Variants in CDH18 observed in about 807,000 individuals in gnomAD.
The protein encoded by CDH18 is cadherin 18.
Under a neutral mutation model 67.9 loss-of-function variants are expected in CDH18, and 31 were observed. The ratio of observed to expected loss-of-function variants is 0.46; its 90% CI spans 0.34 to 0.62. CDH18 has a LOEUF of 0.62. Among genes scored for constraint, CDH18 ranks in the 20% least tolerant of loss-of-function variants. The pLI is 0.01. For missense variants in CDH18, 890 were observed against 975.5 expected (o/e 0.91, Z 1.17); for synonymous variants, 362 against 347.2 (o/e 1.04, Z -0.48).
At chr5:20,459,570 G>A (rs2150220754) in intron 1 of CDH18, among the ~76,000 whole-genome samples, 1 of 152,222 alleles carries the variant, frequency 6.6e-6, no homozygotes, top group African/African-American at 2.4e-5. Context: ...ATTTCACAAG[G>A]GGAAGGTCCA....
intron 2 of CDH18, among the ~76,000 whole-genome samples, chr5:19,905,457 A>G (rs968789910): frequency 7.5e-6 from 1 of 134,212 alleles, no homozygotes; most frequent in Non-Finnish European, 1.6e-5. Flanking sequence ...TGTATGATCA[A>G]TGATTTATAA....
chr5:20,027,587 C>T (rs1424463528), intron 2 of CDH18, among the ~76,000 whole-genome samples: 1 of 152,104 alleles, frequency 6.6e-6, no homozygotes, highest in Non-Finnish European at 1.5e-5. Flanking sequence ...TAGTGTTTCC[C>T]CCATTTTGCT....
chr5:20,549,259 G>A (rs1411303635), intron 1 of CDH18, among the ~76,000 whole-genome samples: 1 of 152,062 alleles, frequency 6.6e-6, no homozygotes, highest in Non-Finnish European at 1.5e-5. Context: ...ATAAATGTTT[G>A]TGCTTGCATA....
intron 2 of CDH18, among the ~76,000 whole-genome samples, chr5:20,176,238 T>C (rs1352580776): frequency 1.3e-5 from 2 of 152,156 alleles, no homozygotes; most frequent in Non-Finnish European, 2.9e-5. Flanking sequence ...ACAACTGTGC[T>C]AAGTCACCAG....
chr5:20,400,598 C>CAAAA (rs368604780), intron 1 of CDH18, among the ~76,000 whole-genome samples: 3,069 of 146,004 alleles, frequency 0.021, 125 homozygotes, highest in African/African-American at 0.073. Flanking sequence ...ACTAAAAATA[C>CAAAA]AAAAAAAAAA....
At chr5:20,361,521 T>C (rs1386393835) in intron 1 of CDH18, among the ~76,000 whole-genome samples, 4 of 152,052 alleles carry the variant, frequency 2.6e-5, no homozygotes, top group African/African-American at 7.2e-5. Flanking sequence ...ACTATAAATG[T>C]ATTAAGGGTC....
intron 5 of CDH18, among the ~76,000 whole-genome samples, chr5:19,628,964 A>G (rs147509097): frequency 6.6e-6 from 1 of 152,216 alleles, no homozygotes; most frequent in East Asian, 1.9e-4. Context: ...TCTAGAAACC[A>G]ACCAGTATTT....
At chr5:19,960,631 ATATG>A (rs1796740868) in intron 2 of CDH18, among the ~76,000 whole-genome samples, 2 of 134,302 alleles carry the variant, frequency 1.5e-5, no homozygotes, top group African/African-American at 3.3e-5. Flanking sequence ...ATACACGTGT[ATATG>A]TATACATATA....
intron 5 of CDH18, among the ~76,000 whole-genome samples, chr5:19,632,145 T>C (rs1242242659): frequency 6.6e-6 from 1 of 152,176 alleles, no homozygotes; most frequent in Non-Finnish European, 1.5e-5. Flanking sequence ...TATCATCTGC[T>C]TTAAAAAAAT....
intron 2 of CDH18, among the ~76,000 whole-genome samples, chr5:20,184,701 T>G (rs920948545): frequency 6.6e-6 from 1 of 152,100 alleles, no homozygotes; most frequent in African/African-American, 2.4e-5. Context: ...TATTTTACAT[T>G]TTTCCTTTCC....
chr5:19,768,712 A>T (rs1773381710), intron 3 of CDH18, among the ~76,000 whole-genome samples: 1 of 152,156 alleles, frequency 6.6e-6, no homozygotes, highest in African/African-American at 2.4e-5. Flanking sequence ...AAACTATTGC[A>T]GAAAACTTAT....
intron 1 of CDH18, among the ~76,000 whole-genome samples, chr5:20,281,425 T>C (rs1238027415): frequency 6.6e-6 from 1 of 152,202 alleles, no homozygotes. Flanking sequence ...TTTCTACATA[T>C]GGCTAGCCAG....
chr5:19,720,762 A>G (rs1307388145), intron 5 of CDH18, among the ~76,000 whole-genome samples: 2 of 152,214 alleles, frequency 1.3e-5, no homozygotes, highest in African/African-American at 4.8e-5. Flanking sequence ...TCCTGAAAAA[A>G]TATTTATGTC....
intron 5 of CDH18, among the ~76,000 whole-genome samples, chr5:19,614,407 T>C (rs1037434414): frequency 1.3e-5 from 2 of 151,292 alleles, no homozygotes; most frequent in Non-Finnish European, 3.0e-5. Flanking sequence ...AAATGATTCA[T>C]CTAACTCATG....
At chr5:20,092,326 C>G (rs1409953378) in intron 2 of CDH18, among the ~76,000 whole-genome samples, 1 of 152,068 alleles carries the variant, frequency 6.6e-6, no homozygotes, top group Non-Finnish European at 1.5e-5. Context: ...GTTTTAAAGA[C>G]TTTGGAGTTT....
chr5:19,610,276 T>C (rs1346768306), intron 6 of CDH18, among the ~76,000 whole-genome samples: 1 of 152,136 alleles, frequency 6.6e-6, no homozygotes, highest in Non-Finnish European at 1.5e-5. Context: ...TTCTGTTTTG[T>C]CAGGTAAAGT....
intron 1 of CDH18, among the ~76,000 whole-genome samples, chr5:20,375,123 T>C (rs1743308281): frequency 6.6e-6 from 1 of 152,208 alleles, no homozygotes; most frequent in Admixed American, 6.5e-5. Flanking sequence ...CCTAAGGAGA[T>C]GTCATTTATA....
chr5:19,612,680 A>G (rs1261812826), intron 5 of CDH18, 79 bp from the exon 6 acceptor site: 36 of 1,074,762 alleles, frequency 3.3e-5, no homozygotes, highest in Admixed American at 9.0e-5. Flanking sequence ...ACATATTTTA[A>G]GAAATGTCTT....
In CDH18 at chr5:19,471,425, AGG is replaced by A. The variant is rs1163454129; in HGVS notation, c.*1799_*1800del. 6.6e-6 allele frequency among the ~76,000 whole-genome samples: 1 copy of A among 152,170 alleles called. No homozygotes were observed. The highest frequency in any genetic ancestry group is 1.5e-5 in the Non-Finnish European group (1 of 68,024). On this transcript the variant is annotated 3_prime_UTR_variant, in exon 13 of 13. Coordinates refer to ENST00000382275, the MANE Select transcript of CDH18 (RefSeq NM_004934.5). ...GATAGCACAGGGCAATTGCAAACAG[AGG>A]TAAAATCCAAAATTTTGCACATGGG... is the stretch of plus-strand genomic sequence containing the variant.
Sources: gnomAD v4.1 joint callset for allele counts (sites outside exome capture counted in the v4.1 genomes callset) on GRCh38, gnomAD v4.1.1 for gene constraint, MANE v1.5 for transcripts, NCBI Gene and HGNC (gene_info 2026-07-23, HGNC 2026-07-21) for gene names.